CSGALNACT1: variants seen among roughly 807,000 people sequenced by gnomAD.
CSGALNACT1 encodes beta4GalNAcT-1.
A neutral mutation model predicts 51.0 loss-of-function variants in CSGALNACT1; 52 were observed. The observed-to-expected ratio is 1.02, with a 90% confidence interval of 0.82 to 1.29. The LOEUF is 1.29. CSGALNACT1 is among the 50% of genes most tolerant of loss of function. CSGALNACT1 has a pLI of 0.00. For missense variants in CSGALNACT1, 935 were observed against 679.2 expected, an observed-to-expected ratio of 1.38 and a Z score of -4.19; for synonymous variants, 341 against 254.4, an observed-to-expected ratio of 1.34 and a Z score of -3.24.
chr8:19,501,020 T>C (rs1339266204), intron 4 of CSGALNACT1, among the ~76,000 whole-genome samples: 3 of 151,964 alleles, frequency 2.0e-5, no homozygotes, highest in African/African-American at 7.3e-5. Flanking sequence ...GAGGCTGAGA[T>C]GGGCCGATCA....
At chr8:19,418,888 C>A in intron 7 of CSGALNACT1, 138 bp from the exon 7 acceptor site, 3 of 704,624 alleles carry the variant, frequency 4.3e-6, no homozygotes, top group Non-Finnish European at 7.7e-6. Context: ...TCACTGTCAC[C>A]CAGGCTGCAA....
At chr8:19,518,341 T>G (rs2079960826) in intron 3 of CSGALNACT1, among the ~76,000 whole-genome samples, 1 of 152,172 alleles carries the variant, frequency 6.6e-6, no homozygotes, top group Non-Finnish European at 1.5e-5. Flanking sequence ...CTAGAAGTAT[T>G]CAAGATGGCA....
rs1239566715 is a variant in CSGALNACT1, at chr8:19,555,365, T to G, written c.-297+35795A>C. ...GCCTACAAAAGAGAACCAGGAATGT[T>G]TGTTGTGATGCAGGCGAAGGAGGTA... On this transcript the variant is annotated intron_variant, in intron 3 of 9. Coordinates refer to ENST00000454498, the Ensembl canonical transcript of CSGALNACT1. Among the ~76,000 whole-genome samples the G allele has an allele frequency of 1.6e-3, 244 of 152,030 alleles. 3 individuals carry two copies. Among genetic ancestry groups the G allele is most frequent in the Non-Finnish European group, 1.3e-4 (9 of 68,012 alleles).
intron 1 of CSGALNACT1, among the ~76,000 whole-genome samples, chr8:19,680,409 A>G (rs34674826): frequency 0.27 from 41,540 of 151,844 alleles, 5,791 homozygotes; most frequent in Admixed American, 0.36. Flanking sequence ...TATAAAAATC[A>G]GCCGGGTGTG....
intron 3 of CSGALNACT1, among the ~76,000 whole-genome samples, chr8:19,588,274 A>T (rs545756392): frequency 6.6e-6 from 1 of 152,192 alleles, no homozygotes; most frequent in Non-Finnish European, 1.5e-5. Context: ...ATACACACCA[A>T]TGAAAAATGC....
chr8:19,438,037 G>T (rs549086740), intron 6 of CSGALNACT1, among the ~76,000 whole-genome samples: 9 of 152,262 alleles, frequency 5.9e-5, no homozygotes, highest in South Asian at 4.2e-4. Flanking sequence ...TTATCCATGG[G>T]ACTCATTTAA....
intron 3 of CSGALNACT1, among the ~76,000 whole-genome samples, chr8:19,568,444 T>C (rs553920486): frequency 4.5e-4 from 69 of 152,308 alleles, no homozygotes; most frequent in African/African-American, 1.6e-3. Context: ...ATGCGGTGCA[T>C]GGCTGTATAA....
chr8:19,666,877 G>GAA (rs1173593609), intron 1 of CSGALNACT1, among the ~76,000 whole-genome samples: 1 of 125,774 alleles, frequency 8.0e-6, no homozygotes. Flanking sequence ...AAGAAAGAAA[G>GAA]AAAGAAAGAG....
chr8:19,496,735 G>C (rs754049221), intron 4 of CSGALNACT1, among the ~76,000 whole-genome samples: 2 of 152,166 alleles, frequency 1.3e-5, no homozygotes, highest in Non-Finnish European at 2.9e-5. Flanking sequence ...TGGTGGGGCA[G>C]ATACACTCAG....
chr8:19,424,595 T>C (rs74454380), intron 6 of CSGALNACT1, among the ~76,000 whole-genome samples: 2,206 of 152,312 alleles, frequency 0.014, 58 homozygotes, highest in African/African-American at 0.051. Context: ...ACTGGCCATG[T>C]GGGCTCTAGA....
At chr8:19,471,626 T>C (rs1276198519) in intron 4 of CSGALNACT1, among the ~76,000 whole-genome samples, 1 of 152,170 alleles carries the variant, frequency 6.6e-6, no homozygotes, top group Non-Finnish European at 1.5e-5. Context: ...GGGTAACTCC[T>C]ATCTCTTCCA....
intron 1 of CSGALNACT1, among the ~76,000 whole-genome samples, chr8:19,669,806 T>C (rs918439637): frequency 2.6e-5 from 4 of 152,214 alleles, no homozygotes; most frequent in African/African-American, 9.7e-5. Flanking sequence ...CCATTTCTAA[T>C]GTTGTGGCAA....
At chr8:19,463,388 G>C (rs1680381652) in intron 4 of CSGALNACT1, among the ~76,000 whole-genome samples, 2 of 152,198 alleles carry the variant, frequency 1.3e-5, no homozygotes, top group Admixed American at 1.3e-4. Flanking sequence ...TCCCTGCACA[G>C]AGGGAGCAAC....
intron 6 of CSGALNACT1, among the ~76,000 whole-genome samples, chr8:19,434,603 A>T (rs1258463315): frequency 3.9e-5 from 6 of 152,210 alleles, no homozygotes; most frequent in Non-Finnish European, 5.9e-5. Flanking sequence ...AACAATTCAG[A>T]ATGCAGGCAC....
chr8:19,601,866 C>T lies in CSGALNACT1; in HGVS notation c.-510-1G>A, dbSNP rs887157092. ...GTCTTTCCTTGAAATAGGAAGGCAG[C>T]TAAAATAAAATAAAAACAAAAGGCA... is the stretch of plus-strand genomic sequence containing the variant. On this transcript the variant is annotated splice_acceptor_variant, in intron 1 of 9. Coordinates refer to ENST00000454498, the Ensembl canonical transcript of CSGALNACT1. LOFTEE classifies it low-confidence loss of function (5UTR_SPLICE). 4 of 453,610 alleles carry T rather than the reference C, an allele frequency of 8.8e-6. No homozygotes were observed. The highest frequency in any genetic ancestry group is 2.0e-5 in the African/African-American group (1 of 49,882). The allele number at this position is 453,610 out of a possible 1,614,324, so 28.1% of individuals were successfully genotyped here.
chr8:19,680,028 G>C (rs193036241), intron 1 of CSGALNACT1, among the ~76,000 whole-genome samples: 87 of 152,176 alleles, frequency 5.7e-4, no homozygotes, highest in African/African-American at 2.1e-3. Flanking sequence ...ACAAACTTTA[G>C]TTCTGAAAGT....
At chr8:19,649,384 G>C (rs915910557) in intron 1 of CSGALNACT1, among the ~76,000 whole-genome samples, 1 of 152,098 alleles carries the variant, frequency 6.6e-6, no homozygotes, top group Non-Finnish European at 1.5e-5. Context: ...TGAATCTTTG[G>C]TATTCTATAC....
intron 1 of CSGALNACT1, among the ~76,000 whole-genome samples, chr8:19,720,972 A>C (rs2063095038): frequency 1.3e-5 from 2 of 152,216 alleles, no homozygotes; most frequent in Admixed American, 1.3e-4. Context: ...CTGCACAGCC[A>C]GGACAGAGAA....
At chr8:19,501,968 G>A (rs1348288586) in intron 4 of CSGALNACT1, among the ~76,000 whole-genome samples, 1 of 152,204 alleles carries the variant, frequency 6.6e-6, no homozygotes, top group East Asian at 1.9e-4. Flanking sequence ...GGAACATCTG[G>A]GGAAAGGGAA....
Sources: allele counts gnomAD v4.1 joint callset (sites outside exome capture counted in the v4.1 genomes callset), GRCh38; gene constraint gnomAD v4.1.1; transcripts MANE v1.5; gene names NCBI Gene and HGNC (gene_info 2026-07-23, HGNC 2026-07-21).